The following DMRT1 variants were observed in gnomAD, a reference collection of about 807,000 sequenced individuals.
The protein encoded by DMRT1 is doublesex and mab-3 related transcription factor 1, also known as doublesex- and mab-3-related transcription factor 1.
Under a neutral mutation model 32.3 loss-of-function variants are expected in DMRT1, and 7 were observed. The ratio of observed to expected loss-of-function variants is 0.22; its 90% CI spans 0.12 to 0.41. The LOEUF (loss-of-function observed/expected upper bound fraction) is 0.41, where lower values mean the gene tolerates loss of function less well. Among genes scored for constraint, DMRT1 ranks in the 10% least tolerant of loss-of-function variants. DMRT1 has a pLI of 1.00. For missense variants in DMRT1, 625 were observed against 500.5 expected (o/e 1.25, Z -2.37); for synonymous variants, 278 against 206.1 (o/e 1.35, Z -2.99).
At chr9:896,553 G>C (rs1374343089) in intron 3 of DMRT1, among the ~76,000 whole-genome samples, 1 of 152,130 alleles carries the variant, frequency 6.6e-6, no homozygotes, top group Non-Finnish European at 1.5e-5. Context: ...GGTGGCTCAT[G>C]CCTGTATTCC....
intron 4 of DMRT1, among the ~76,000 whole-genome samples, chr9:925,557 G>C (rs1463829051): frequency 6.6e-6 from 1 of 152,240 alleles, no homozygotes; most frequent in African/African-American, 2.4e-5. Flanking sequence ...CTTGTTGCTA[G>C]TGTTTAAGAG....
intron 4 of DMRT1, among the ~76,000 whole-genome samples, chr9:935,912 C>G (rs980582761): frequency 1.3e-5 from 2 of 152,182 alleles, no homozygotes; most frequent in African/African-American, 4.8e-5. Flanking sequence ...AGAGGAAATT[C>G]TGTGTATTGT....
chr9:922,384 C>T (rs1586621737), intron 4 of DMRT1, among the ~76,000 whole-genome samples: 2 of 152,284 alleles, frequency 1.3e-5, no homozygotes, highest in African/African-American at 2.4e-5. Context: ...CAGATGCAAG[C>T]TGTTCGGGAA....
chr9:946,019 C>T (rs1330884825), intron 4 of DMRT1, among the ~76,000 whole-genome samples: 3 of 152,118 alleles, frequency 2.0e-5, no homozygotes, highest in Non-Finnish European at 2.9e-5. Flanking sequence ...ATGTTTAGTA[C>T]ATGTAGGTCT....
At chr9:893,366 C>G (rs77089477) in intron 2 of DMRT1, among the ~76,000 whole-genome samples, 1 of 152,356 alleles carries the variant, frequency 6.6e-6, no homozygotes, top group Non-Finnish European at 1.5e-5. Flanking sequence ...GAATAGTTGA[C>G]AAAACCTGAA....
Position 872,319 on chromosome 9 carries a change from C to T in DMRT1, c.539-21593C>T, listed in dbSNP as rs374826333. 1.2e-4 allele frequency among the ~76,000 whole-genome samples: 18 copies of T among 152,320 alleles called. No individual in the cohort carries two copies. The South Asian group carries it at 2.9e-3, about 25-fold the overall frequency. ...CTTGTGATCCACCCGCCTTGGCCTC[C>T]CAAAGTGCTGGGATTACAGGCGTGA... On this transcript the variant is annotated intron_variant, in intron 2 of 4. Coordinates refer to ENST00000382276, the MANE Select transcript of DMRT1 (RefSeq NM_021951.3).
In DMRT1 at chr9:894,213, C is replaced by T. The variant is rs375389840; in HGVS notation, c.822+18C>T. The T allele has an allele frequency of 2.5e-6, 4 of 1,612,110 alleles. No homozygotes were observed. Among genetic ancestry groups the T allele is most frequent in the Non-Finnish European group, 3.4e-6 (4 of 1,179,760 alleles). On this transcript the variant is annotated intron_variant, in intron 3 of 4. Transcript: ENST00000382276. ...AGTGGCAGGTATGATATTAATTACCCAGAGAGTGAACTGGTTGTGTGAAAG... is the reference window on the plus strand; with the variant it reads ...AGTGGCAGGTATGATATTAATTACCTAGAGAGTGAACTGGTTGTGTGAAAG...
intron 3 of DMRT1, among the ~76,000 whole-genome samples, chr9:905,478 G>T (rs966352415): frequency 4.2e-5 from 5 of 119,302 alleles, no homozygotes; most frequent in African/African-American, 1.5e-4. Flanking sequence ...TTGCCCCTGT[G>T]TGTGTGTGTC....
intron 2 of DMRT1, among the ~76,000 whole-genome samples, chr9:876,395 G>C (rs934845270): frequency 2.0e-5 from 3 of 152,278 alleles, no homozygotes; most frequent in Admixed American, 6.5e-5. Flanking sequence ...AAAAGGCCTA[G>C]ACCATCACAG....
chr9:918,605 C>T (rs1818258140), intron 4 of DMRT1, among the ~76,000 whole-genome samples: 1 of 152,206 alleles, frequency 6.6e-6, no homozygotes, highest in Middle Eastern at 3.2e-3. Context: ...TATTACTTTT[C>T]TGGCCATGTG....
At chr9:897,625 A>G (rs183890258) in intron 3 of DMRT1, among the ~76,000 whole-genome samples, 2 of 151,910 alleles carry the variant, frequency 1.3e-5, no homozygotes, top group Admixed American at 6.6e-5. Context: ...TAGATTTTGC[A>G]TTCTACTATC....
chr9:869,937 T>G (rs1468433017), intron 2 of DMRT1, among the ~76,000 whole-genome samples: 1 of 152,140 alleles, frequency 6.6e-6, no homozygotes, highest in African/African-American at 2.4e-5. Context: ...TGGCTGAACC[T>G]GAAGACCCCT....
chr9:933,035 C>T (rs917311702), intron 4 of DMRT1, among the ~76,000 whole-genome samples: 1 of 152,058 alleles, frequency 6.6e-6, no homozygotes, highest in Non-Finnish European at 1.5e-5. Flanking sequence ...GCCTCAGCCT[C>T]CCGAGTGGCT....
At chr9:913,877 AG>A (rs1457587402) in intron 3 of DMRT1, among the ~76,000 whole-genome samples, 1 of 145,150 alleles carries the variant, frequency 6.9e-6, no homozygotes, top group African/African-American at 2.6e-5. Context: ...TGGGCAACAG[AG>A]TGAGACTCGG....
At position 961,942 on chromosome 9, in the gene DMRT1, C is replaced by G. The variant is rs544823136; in HGVS notation, c.968-6043C>G. ...AGGGCGCAGGATGCTTAAACAATGT[C>G]CCAGGTACCAGAGGAGTTTTCTTAA... On this transcript the variant is annotated intron_variant, in intron 4 of 4. Transcript: ENST00000382276. Among the ~76,000 whole-genome samples, 28 of 152,260 alleles carry G rather than the reference C, an allele frequency of 1.8e-4. 1 individual carries two copies. In the Middle Eastern group the frequency reaches 0.01, roughly 55 times the overall value.
intron 3 of DMRT1, 49 bp downstream of exon 3, chr9:894,244 T>G (rs765612873): frequency 6.9e-6 from 11 of 1,594,980 alleles, no homozygotes; most frequent in Admixed American, 5.0e-5. Context: ...GAAAGCCACA[T>G]GCATGTGCAC....
At chr9:872,338 G>A (rs1306231546) in intron 2 of DMRT1, among the ~76,000 whole-genome samples, 1 of 152,244 alleles carries the variant, frequency 6.6e-6, no homozygotes, top group Non-Finnish European at 1.5e-5. Context: ...TGGGATTACA[G>A]GCGTGAGCCA....
intron 4 of DMRT1, among the ~76,000 whole-genome samples, chr9:943,322 T>A (rs1819138841): frequency 6.6e-6 from 1 of 152,226 alleles, no homozygotes; most frequent in South Asian, 2.1e-4. Flanking sequence ...GAGTTGCACC[T>A]GTGTACTTGA....
At chr9:845,565 G>C (rs558338184) in intron 1 of DMRT1, among the ~76,000 whole-genome samples, 1 of 152,248 alleles carries the variant, frequency 6.6e-6, no homozygotes, top group Admixed American at 6.5e-5. Flanking sequence ...TCTTGGGTAT[G>C]TCAGGTCCTT....
Sources: allele counts gnomAD v4.1 joint callset (sites outside exome capture counted in the v4.1 genomes callset), GRCh38; gene constraint gnomAD v4.1.1; transcripts MANE v1.5; gene names NCBI Gene and HGNC (gene_info 2026-07-23, HGNC 2026-07-21).